The following NCKAP5 variants were observed in gnomAD, a reference collection of about 807,000 sequenced individuals.
The protein encoded by NCKAP5 is nck-associated protein 5.
NCKAP5 carries 92 observed loss-of-function variants against 167.0 expected under a neutral mutation model. The observed-to-expected ratio is 0.55, with a 90% CI of 0.47 to 0.66. The LOEUF is 0.66. NCKAP5 is among the 30% of genes least tolerant of loss of function. The pLI is 0.00. For missense variants in NCKAP5, 2,378 were observed against 2,315.0 expected (o/e 1.03, Z -0.56); for synonymous variants, 891 against 877.4 (o/e 1.02, Z -0.27).
chr2:133,125,213 C>T (rs1421776710), intron 6 of NCKAP5, among the ~76,000 whole-genome samples: 4 of 151,194 alleles, frequency 2.6e-5, no homozygotes, highest in Non-Finnish European at 4.4e-5. Flanking sequence ...GATCCCATTA[C>T]TCTACCTTTT....
chr2:133,001,041 A>G (rs556476021), intron 6 of NCKAP5, among the ~76,000 whole-genome samples: 16 of 152,154 alleles, frequency 1.1e-4, no homozygotes, highest in Admixed American at 7.9e-4. Context: ...CTGTAACTCT[A>G]TAGGGATTTG....
At chr2:132,921,764 G>A (rs1410866368) in intron 8 of NCKAP5, among the ~76,000 whole-genome samples, 1 of 152,106 alleles carries the variant, frequency 6.6e-6, no homozygotes, top group African/African-American at 2.4e-5. Flanking sequence ...TACCCTACAA[G>A]TCACTGTTCC....
At chr2:133,048,250 G>A (rs2079477997) in intron 6 of NCKAP5, among the ~76,000 whole-genome samples, 1 of 152,154 alleles carries the variant, frequency 6.6e-6, no homozygotes, top group East Asian at 1.9e-4. Context: ...GGGAACTGGG[G>A]TACATGTTCT....
At chr2:133,639,350 A>T in the NCKAP5 span, among the ~76,000 whole-genome samples, 1 of 152,220 alleles carries the variant, frequency 6.6e-6, no homozygotes, top group Admixed American at 6.5e-5. Flanking sequence ...CACGTAGACA[A>T]GAAGACATGA....
In NCKAP5 at chr2:132,767,618, C is replaced by A. The variant is rs189969934; in HGVS notation, c.5128+6198G>T. 4.6e-5 allele frequency among the ~76,000 whole-genome samples: 7 copies of A among 152,314 alleles called. No individual in the cohort carries two copies. In the East Asian group the frequency reaches 1.3e-3, roughly 29 times the overall value. On this transcript the variant is annotated intron_variant, in intron 16 of 19. Coordinates refer to ENST00000409261, the MANE Select transcript of NCKAP5 (RefSeq NM_207363.3). Reference sequence around the variant, plus strand: ...TACAAATATGTGGCCGAAAAAGGTACCTGTATAATCCGTAACTACACAGAT... The same window carrying A: ...TACAAATATGTGGCCGAAAAAGGTAACTGTATAATCCGTAACTACACAGAT...
In NCKAP5 at chr2:132,765,781, T is replaced by TA. The variant is rs1681419862; in HGVS notation, c.5128+8034dup. Among the ~76,000 whole-genome samples the TA allele has an allele frequency of 2.0e-5, 3 of 152,268 alleles. No homozygotes were observed. The South Asian group carries it at 6.2e-4, about 32-fold the overall frequency. On this transcript the variant is annotated intron_variant, in intron 16 of 19. Coordinates refer to ENST00000409261, the MANE Select transcript of NCKAP5 (RefSeq NM_207363.3). Reference sequence around the variant, plus strand: ...CTCTATTTTTTGCTGGACATATGGCTACCTTCCTCAAATAATGTTTCCTAT... The same window carrying TA: ...CTCTATTTTTTGCTGGACATATGGCTAACCTTCCTCAAATAATGTTTCCTAT...
At chr2:133,364,660 T>C (rs759911195) in intron 3 of NCKAP5, among the ~76,000 whole-genome samples, 2 of 152,192 alleles carry the variant, frequency 1.3e-5, no homozygotes, top group Non-Finnish European at 2.9e-5. Context: ...TTTTCAGAAT[T>C]TGACTGAGGC....
chr2:133,644,683 G>A, the NCKAP5 span, among the ~76,000 whole-genome samples: 8 of 152,026 alleles, frequency 5.3e-5, no homozygotes, highest in Admixed American at 2.0e-4. Context: ...AAGTTTTTAT[G>A]GATGCACATC....
At chr2:133,530,367 T>G (rs1187030585) in intron 2 of NCKAP5, among the ~76,000 whole-genome samples, 1 of 152,212 alleles carries the variant, frequency 6.6e-6, no homozygotes, top group African/African-American at 2.4e-5. Flanking sequence ...ACTTCCCATG[T>G]TGTCTGTTTG....
At chr2:133,074,569 C>T (rs1462144785) in intron 6 of NCKAP5, among the ~76,000 whole-genome samples, 2 of 151,980 alleles carry the variant, frequency 1.3e-5, no homozygotes, top group African/African-American at 2.4e-5. Flanking sequence ...ACCATGTTGC[C>T]CAGGTTGCTC....
chr2:132,797,463 A>G (rs568351860), intron 11 of NCKAP5, among the ~76,000 whole-genome samples: 1 of 152,218 alleles, frequency 6.6e-6, no homozygotes, highest in Non-Finnish European at 1.5e-5. Flanking sequence ...CAAATACAAT[A>G]AAAGTCGTGA....
chr2:132,933,878 C>G (rs1314748089), intron 8 of NCKAP5, among the ~76,000 whole-genome samples: 1 of 152,128 alleles, frequency 6.6e-6, no homozygotes, highest in Non-Finnish European at 1.5e-5. Context: ...AACAATAGCT[C>G]TAATTTAACT....
At chr2:133,210,397 CTG>C (rs1372074726) in intron 5 of NCKAP5, among the ~76,000 whole-genome samples, 1 of 151,828 alleles carries the variant, frequency 6.6e-6, no homozygotes, top group Non-Finnish European at 1.5e-5. Context: ...TATAGCTTTT[CTG>C]TAAAGACTGC....
intron 4 of NCKAP5, 56 bp from the exon 5 acceptor site, chr2:133,213,835 G>A: frequency 6.4e-7 from 1 of 1,553,866 alleles, no homozygotes; most frequent in Non-Finnish European, 8.9e-7. Context: ...AGGTGACACT[G>A]GCATGGCCGT....
intron 6 of NCKAP5, among the ~76,000 whole-genome samples, chr2:133,094,697 G>T (rs1489350572): frequency 6.6e-6 from 1 of 152,098 alleles, no homozygotes; most frequent in Non-Finnish European, 1.5e-5. Context: ...ATTAGTTAAG[G>T]TTACTAATAA....
chr2:133,449,036 A>G (rs1691387678), intron 3 of NCKAP5, among the ~76,000 whole-genome samples: 2 of 152,336 alleles, frequency 1.3e-5, no homozygotes, highest in South Asian at 4.1e-4. Context: ...TTCCACATAG[A>G]TTTAATTATC....
chr2:133,137,258 C>T lies in NCKAP5; in HGVS notation c.208-7147G>A, dbSNP rs1277025807. ...AACTTGAGGATTGATTTTTTAAAAA[C>T]CCGTACTCTTGGCTGTAACAGAAGA... On this transcript the variant is annotated intron_variant, in intron 5 of 19. Transcript: ENST00000409261. 2.6e-5 allele frequency among the ~76,000 whole-genome samples: 4 copies of T among 152,038 alleles called. No homozygotes were observed. The East Asian group carries it at 7.7e-4, about 29-fold the overall frequency.
intron 8 of NCKAP5, among the ~76,000 whole-genome samples, chr2:132,953,164 G>A (rs891027525): frequency 2.0e-5 from 3 of 152,154 alleles, no homozygotes; most frequent in Admixed American, 1.3e-4. Context: ...TAAACAGGCC[G>A]AGCCACTTGG....
chr2:132,790,686 C>T (rs1683994930), intron 12 of NCKAP5, among the ~76,000 whole-genome samples: 1 of 152,154 alleles, frequency 6.6e-6, no homozygotes, highest in Admixed American at 6.5e-5. Flanking sequence ...GGGCTCAGAT[C>T]CTGGCTCTGC....
Sources: allele counts gnomAD v4.1 joint callset (sites outside exome capture counted in the v4.1 genomes callset), GRCh38; gene constraint gnomAD v4.1.1; transcripts MANE v1.5; gene names NCBI Gene and HGNC (gene_info 2026-07-23, HGNC 2026-07-21).